Variants in FAIM2 observed in about 807,000 individuals in gnomAD.
The protein encoded by FAIM2 is Fas apoptotic inhibitory molecule 2.
FAIM2 carries 27 observed loss-of-function variants against 47.4 expected under a neutral mutation model. That is an observed-to-expected ratio of 0.57 (90% confidence interval 0.42 to 0.78). The LOEUF is 0.78. Among genes scored for constraint, FAIM2 ranks in the 30% least tolerant of loss-of-function variants. The probability of loss-of-function intolerance (pLI) is 0.00; values close to 1 mark genes in which losing one functional copy is unlikely to be tolerated. For missense variants in FAIM2, 311 were observed against 389.4 expected (o/e 0.80, Z 1.69); for synonymous variants, 156 against 159.3 (o/e 0.98, Z 0.16).
intron 11 of FAIM2, among the ~76,000 whole-genome samples, chr12:49,878,756 A>T (rs1946768550): frequency 9.4e-6 from 1 of 106,286 alleles, no homozygotes; most frequent in Non-Finnish European, 1.8e-5. Flanking sequence ...GCATATGTGT[A>T]TATATTTATT....
rs1318736897 is a variant in FAIM2 at position 49,889,204 on chromosome 12, T to C, written c.652-2A>G. On this transcript the variant is annotated splice_acceptor_variant, in intron 9 of 11. Coordinates refer to ENST00000320634, the MANE Select transcript of FAIM2 (RefSeq NM_012306.4). LOFTEE classifies it high-confidence loss of function. ...GCCCTGGCAGGAGGTGAAGTCGAAC[T>C]GTGGGGACAGGATGGGGTTAGCTGC... 1 of 1,608,312 alleles carries C rather than the reference T, an allele frequency of 6.2e-7. No individual in the cohort carries two copies. The highest frequency in any genetic ancestry group is 1.3e-5 in the African/African-American group (1 of 74,854).
Position 49,867,414 on chromosome 12 carries a change from T to G in FAIM2, c.*3090A>C, listed in dbSNP as rs1056561529. The G allele has an allele frequency of 1.3e-5, 2 of 152,194 alleles. No individual in the cohort carries two copies. Among genetic ancestry groups the G allele is most frequent in the Non-Finnish European group, 2.9e-5 (2 of 68,066 alleles). 9.4% of individuals were successfully genotyped at this position (152,194 alleles called of 1,614,324 possible). On this transcript the variant is annotated 3_prime_UTR_variant, in exon 12 of 12. Coordinates refer to ENST00000320634, the MANE Select transcript of FAIM2 (RefSeq NM_012306.4). ...CAAGGAGCCTTTTGGAAAATGGGTGTCTGTCCCATCCTGACTCCCTCGGAA... is the reference window on the plus strand; with the variant it reads ...CAAGGAGCCTTTTGGAAAATGGGTGGCTGTCCCATCCTGACTCCCTCGGAA...
chr12:49,886,213 A>G, intron 11 of FAIM2, among the ~76,000 whole-genome samples: 1 of 152,160 alleles, frequency 6.6e-6, no homozygotes, highest in Non-Finnish European at 1.5e-5. Context: ...GGGTCCTAAA[A>G]CACGACTGCA....
At chr12:49,900,033 G>T (rs148276278) in intron 2 of FAIM2, 2 of 319,786 alleles carry the variant, frequency 6.3e-6, no homozygotes, top group Non-Finnish European at 6.2e-6. Flanking sequence ...CTTCTCCCTC[G>T]TGTCCTGTCT....
At chr12:49,877,625 G>GCCTCAGCCTTGGATTTGT (rs1946745633) in intron 11 of FAIM2, among the ~76,000 whole-genome samples, 1 of 10,124 alleles carries the variant, frequency 9.9e-5, no homozygotes, top group African/African-American at 1.1e-3. Context: ...AGAAAAGCAG[G>GCCTCAGCCTTGGATTTGT]GTGAGGGGTT....
chr12:49,879,982 GTGTA>G lies in FAIM2; in HGVS notation c.801+7400_801+7403del, dbSNP rs1354992309. Among the ~76,000 whole-genome samples, 17 of 141,960 alleles carry G rather than the reference GTGTA, an allele frequency of 1.2e-4. No homozygotes were observed. In the East Asian group the frequency reaches 3.6e-3, roughly 30 times the overall value. The allele number at this position is 141,960 out of a possible 152,430, so 93.1% of individuals were successfully genotyped here. On this transcript the variant is annotated intron_variant, in intron 11 of 11. Transcript: ENST00000320634. ...TATGTGCATGTGTGTGTATATGTGA[GTGTA>G]TGTGCATGTGTGCATATATGCGTGT...
At chr12:49,903,681 G>A (rs1277714187) in intron 1 of FAIM2, 97 bp downstream of exon 1, 1 of 1,459,958 alleles carries the variant, frequency 6.8e-7, no homozygotes, top group African/African-American at 1.4e-5. Context: ...CTAGGGCCAG[G>A]GGAGGATGCT....
At chr12:49,897,480 G>C (rs779089121) in intron 4 of FAIM2, 39 bp downstream of exon 4, 2 of 1,594,184 alleles carry the variant, frequency 1.3e-6, no homozygotes, top group Non-Finnish European at 1.7e-6. Context: ...CCTGGCCATA[G>C]TCATCCCTGG....
chr12:49,898,329 C>A (rs1382392027), intron 2 of FAIM2, among the ~76,000 whole-genome samples: 1 of 152,270 alleles, frequency 6.6e-6, no homozygotes, highest in African/African-American at 2.4e-5. Context: ...TCATCCCCTA[C>A]CTCTCCCTCC....
In FAIM2 at chr12:49,891,133, T is replaced by C. The variant is rs1946897188; in HGVS notation, c.435-19A>G. The C allele has an allele frequency of 1.9e-6, 3 of 1,613,360 alleles. No individual in the cohort carries two copies. The highest frequency in any genetic ancestry group is 1.3e-5 in the African/African-American group (1 of 74,886). On this transcript the variant is annotated intron_variant, in intron 5 of 11. Coordinates refer to ENST00000320634, the MANE Select transcript of FAIM2 (RefSeq NM_012306.4). Reference sequence around the variant, plus strand: ...CACAGCACTGTGAGAGACAGATGGATAGGTGAGTCAGCCAGCCTCTCCTGG... The same window carrying C: ...CACAGCACTGTGAGAGACAGATGGACAGGTGAGTCAGCCAGCCTCTCCTGG...
chr12:49,888,049 C>G (rs887216848), intron 10 of FAIM2, among the ~76,000 whole-genome samples: 2 of 152,216 alleles, frequency 1.3e-5, no homozygotes, highest in Non-Finnish European at 2.9e-5. Context: ...GGAAACTCTG[C>G]AGGAGGCACC....
In FAIM2 at chr12:49,889,199, C is replaced by T. The variant is rs1338575908; in HGVS notation, c.655G>A (p.Asp219Asn). ...AGCACGCCCTGGCAGGAGGTGAAGTCGAACTGTGGGGACAGGATGGGGTTA... is the reference window on the plus strand; with the variant it reads ...AGCACGCCCTGGCAGGAGGTGAAGTTGAACTGTGGGGACAGGATGGGGTTA... ...VTVFSFQTKF[D>N]FTSCQGVLFV... The change falls in exon 10 of 12, where the codon GAC (aspartate) becomes AAC (asparagine). Residue 219 changes from aspartate (D) to asparagine (N), a missense_variant. By Grantham distance (23) the Asp-to-Asn change is conservative. Transcript: ENST00000320634. 1.2e-6 allele frequency: 2 copies of T among 1,609,292 alleles called. No individual in the cohort carries two copies. Among genetic ancestry groups the T allele is most frequent in the Non-Finnish European group, 1.7e-6 (2 of 1,177,740 alleles).
At chr12:49,889,278 C>A (rs1282558530) in intron 9 of FAIM2, 76 bp from the exon 10 acceptor site, 14 of 1,136,530 alleles carry the variant, frequency 1.2e-5, no homozygotes, top group Non-Finnish European at 1.7e-5. Context: ...TGAGCCCATA[C>A]AGCAGGCCAC....
At position 49,901,181 on chromosome 12, in the gene FAIM2, G is replaced by A. The variant is rs1946979227; in HGVS notation, c.160C>T (p.Pro54Ser). ...TGGAGAGGCACCGCTGTGGGGGCTG[G>A]GGGGAAGGCCCCTGCCTTCATCCCC... ...GEGMKAGAFPPAPTAVPLHPS... is the reference protein window; with the variant it reads ...GEGMKAGAFPSAPTAVPLHPS... Residue 54 changes from proline to serine, a missense_variant, in exon 2 of 12, where the codon CCA (proline) becomes TCA (serine). By Grantham distance (74) the Pro-to-Ser change is moderately conservative. Transcript: ENST00000320634. 1.2e-6 allele frequency: 2 copies of A among 1,608,184 alleles called. No homozygotes were observed. The highest frequency in any genetic ancestry group is 2.3e-5 in the East Asian group (1 of 44,082).
chr12:49,889,848 A>G (rs1946886930), intron 8 of FAIM2, among the ~76,000 whole-genome samples: 1 of 151,900 alleles, frequency 6.6e-6, no homozygotes, highest in Non-Finnish European at 1.5e-5. Context: ...TTTACAAGTA[A>G]CTGCAGGTCA....
In FAIM2 at chr12:49,878,617, T is replaced by C. The variant is rs1168360644; in HGVS notation, c.802-7964A>G. Reference sequence around the variant, plus strand: ...ATGTGTATGTGTGCATGTGTATGTGTGCATATGTGTATGTATGTGCCCTTG... The same window carrying C: ...ATGTGTATGTGTGCATGTGTATGTGCGCATATGTGTATGTATGTGCCCTTG... On this transcript the variant is annotated intron_variant, in intron 11 of 11. Transcript: ENST00000320634. Among the ~76,000 whole-genome samples, 4 of 135,674 alleles carry C rather than the reference T, an allele frequency of 2.9e-5. 1 individual carries two copies. The highest frequency in any genetic ancestry group is 2.5e-4 in the South Asian group (1 of 3,948). 89.0% of individuals were successfully genotyped at this position (135,674 alleles called of 152,430 possible). A position where few individuals can be genotyped will look rare whatever the true frequency, so the allele number is the denominator to read the frequency against.
chr12:49,872,956 T>C (rs920782822), intron 11 of FAIM2, among the ~76,000 whole-genome samples: 10 of 152,246 alleles, frequency 6.6e-5, no homozygotes, highest in African/African-American at 2.4e-4. Context: ...ATTGTTATTA[T>C]CTGCAGAAGG....
chr12:49,878,507 T>C (rs1218618564), intron 11 of FAIM2, among the ~76,000 whole-genome samples: 2 of 66,536 alleles, frequency 3.0e-5, no homozygotes, highest in Non-Finnish European at 5.5e-5. Flanking sequence ...CATGTGTGTA[T>C]ATGTGTGCAT....
chr12:49,870,076 C>T lies in FAIM2; in HGVS notation c.*428G>A, dbSNP rs1946691111. On this transcript the variant is annotated 3_prime_UTR_variant, in exon 12 of 12. Transcript: ENST00000320634. ...GACCTGGATGAGAAAGACAGGAGGA[C>T]ACAGACTGGATGCAGGACAGTGTGC... The T allele has an allele frequency of 1.3e-5, 2 of 157,022 alleles. No individual in the cohort carries two copies. The highest frequency in any genetic ancestry group is 1.4e-5 in the Non-Finnish European group (1 of 71,306). 9.7% of individuals were successfully genotyped at this position (157,022 alleles called of 1,614,324 possible). A position where few individuals can be genotyped will look rare whatever the true frequency, so the allele number is the denominator to read the frequency against.
Sources: gnomAD v4.1 joint callset for allele counts (sites outside exome capture counted in the v4.1 genomes callset) on GRCh38, gnomAD v4.1.1 for gene constraint, MANE v1.5 for transcripts, NCBI Gene and HGNC (gene_info 2026-07-23, HGNC 2026-07-21) for gene names.